The following CEP63 variants were observed in gnomAD, a reference collection of about 807,000 sequenced individuals.
CEP63 encodes centrosomal protein 63.
A neutral mutation model predicts 89.1 loss-of-function variants in CEP63; 84 were observed. The ratio of observed to expected loss-of-function variants is 0.94; its 90% confidence interval spans 0.79 to 1.13. The LOEUF is 1.13. Ranked by LOEUF, CEP63 falls within the 50% of genes most tolerant of loss-of-function variation. The probability of loss-of-function intolerance (pLI) is 0.00; values close to 1 mark genes in which losing one functional copy is unlikely to be tolerated. For synonymous variants in CEP63, 267 were observed against 272.5 expected (o/e 0.98, Z 0.20); for missense variants, 838 against 813.3 (o/e 1.03, Z -0.37).
At chr3:134,557,866 C>T (rs971057828) in intron 12 of CEP63, among the ~76,000 whole-genome samples, 1 of 152,096 alleles carries the variant, frequency 6.6e-6, no homozygotes, top group African/African-American at 2.4e-5. Context: ...TTCTGATTCC[C>T]TCTTACAGCT....
At chr3:134,667,333 G>A in the CEP63 span, among the ~76,000 whole-genome samples, 1 of 152,168 alleles carries the variant, frequency 6.6e-6, no homozygotes, top group Admixed American at 6.5e-5. Flanking sequence ...GAGAGGAAGG[G>A]TGGGGGTGAA....
At chr3:134,625,541 G>A in the CEP63 span, among the ~76,000 whole-genome samples, 2 of 152,208 alleles carry the variant, frequency 1.3e-5, no homozygotes, top group Non-Finnish European at 2.9e-5. Flanking sequence ...GAGTGTCCAG[G>A]CAGTGCTGCT....
At chr3:134,716,687 A>G in the CEP63 span, among the ~76,000 whole-genome samples, 1 of 151,890 alleles carries the variant, frequency 6.6e-6, no homozygotes, top group East Asian at 1.9e-4. Flanking sequence ...TCACAATCCA[A>G]ACTCCTCTGT....
chr3:134,754,353 A>AG, the CEP63 span, among the ~76,000 whole-genome samples: 1 of 152,200 alleles, frequency 6.6e-6, no homozygotes, highest in South Asian at 2.1e-4. Flanking sequence ...TCTACTCAGA[A>AG]GGCCAGCATT....
the CEP63 span, among the ~76,000 whole-genome samples, chr3:134,667,378 A>T: frequency 2.0e-5 from 3 of 152,098 alleles, no homozygotes; most frequent in African/African-American, 7.2e-5. Flanking sequence ...GAATGCTGTG[A>T]GGTGGTGGCG....
chr3:134,680,466 A>G, the CEP63 span, among the ~76,000 whole-genome samples: 1 of 152,166 alleles, frequency 6.6e-6, no homozygotes, highest in African/African-American at 2.4e-5. Context: ...CTGTACAACC[A>G]TGTGCACATC....
chr3:134,715,486 A>G, the CEP63 span, among the ~76,000 whole-genome samples: 3 of 149,536 alleles, frequency 2.0e-5, no homozygotes, highest in Admixed American at 1.3e-4. Flanking sequence ...GATGGTGTTG[A>G]TGCCAGAAGG....
the CEP63 span, among the ~76,000 whole-genome samples, chr3:134,716,560 A>G: frequency 6.6e-6 from 1 of 152,158 alleles, no homozygotes; most frequent in African/African-American, 2.4e-5. Flanking sequence ...CTAGTCTGCC[A>G]TACATCCAAG....
At chr3:134,750,010 A>G in the CEP63 span, among the ~76,000 whole-genome samples, 2 of 152,162 alleles carry the variant, frequency 1.3e-5, no homozygotes, top group African/African-American at 2.4e-5. Context: ...TTGGCATTGG[A>G]AGCAAGGGGC....
At chr3:134,767,814 T>C in the CEP63 span, among the ~76,000 whole-genome samples, 1 of 152,238 alleles carries the variant, frequency 6.6e-6, no homozygotes, top group African/African-American at 2.4e-5. Flanking sequence ...CAGGGAACTC[T>C]TCCTTTAATG....
At chr3:134,634,578 A>G in the CEP63 span, among the ~76,000 whole-genome samples, 2 of 152,252 alleles carry the variant, frequency 1.3e-5, no homozygotes, top group Non-Finnish European at 2.9e-5. Context: ...ATCATCAGCC[A>G]TTAGGAAAAG....
At chr3:134,668,104 G>A in the CEP63 span, among the ~76,000 whole-genome samples, 1 of 152,118 alleles carries the variant, frequency 6.6e-6, no homozygotes, top group African/African-American at 2.4e-5. Context: ...TTGGGGTTCT[G>A]ACTGAGGACA....
At chr3:134,668,603 T>C in the CEP63 span, among the ~76,000 whole-genome samples, 3 of 152,246 alleles carry the variant, frequency 2.0e-5, no homozygotes. Flanking sequence ...TGGAGCTGCT[T>C]TTAGCAAAGC....
At chr3:134,635,040 C>T in the CEP63 span, among the ~76,000 whole-genome samples, 110 of 152,324 alleles carry the variant, frequency 7.2e-4, 1 homozygote, top group East Asian at 8.5e-3. Context: ...AAAAATTGCC[C>T]TGTTGGGCAT....
intron 3 of CEP63, among the ~76,000 whole-genome samples, chr3:134,527,109 G>C (rs570076506): frequency 8.2e-4 from 125 of 152,370 alleles, no homozygotes; most frequent in African/African-American, 3.0e-3. Flanking sequence ...AGTGGTAGCA[G>C]CAGTGCAGTG....
intron 9 of CEP63, 132 bp downstream of exon 9, chr3:134,547,604 G>GGTTTTATTTTTT: frequency 1.1e-5 from 2 of 179,016 alleles, no homozygotes; most frequent in African/African-American, 5.3e-5. Context: ...AATGGCCTAA[G>GGTTTTATTTTTT]TTCTTATTTC....
At chr3:134,487,561 C>T (rs903750035) in intron 1 of CEP63, among the ~76,000 whole-genome samples, 6 of 152,314 alleles carry the variant, frequency 3.9e-5, no homozygotes, top group African/African-American at 1.4e-4. Flanking sequence ...TCATTGCTTC[C>T]TGCTTTCAAA....
chr3:134,752,156 A>G, the CEP63 span, among the ~76,000 whole-genome samples: 4 of 152,220 alleles, frequency 2.6e-5, no homozygotes, highest in Non-Finnish European at 5.9e-5. Context: ...CAAGAAGTAA[A>G]AAGCATAATC....
chr3:134,767,324 T>A, the CEP63 span, among the ~76,000 whole-genome samples: 1 of 152,212 alleles, frequency 6.6e-6, no homozygotes, highest in East Asian at 1.9e-4. Flanking sequence ...AAATGGAGGC[T>A]GAATTACCTT....
Sources: gnomAD v4.1 joint callset for allele counts (sites outside exome capture counted in the v4.1 genomes callset) on GRCh38, gnomAD v4.1.1 for gene constraint, MANE v1.5 for transcripts, NCBI Gene and HGNC (gene_info 2026-07-23, HGNC 2026-07-21) for gene names.